The following KCNC2 variants were observed in gnomAD, a reference collection of about 807,000 sequenced individuals.
KCNC2 encodes the protein potassium voltage-gated channel subfamily C member 2, also known as voltage-gated potassium channel KCNC2.
A neutral mutation model predicts 44.5 loss-of-function variants in KCNC2; 21 were observed. That is an observed-to-expected ratio of 0.47 (90% CI 0.33 to 0.68). The LOEUF (loss-of-function observed/expected upper bound fraction) is 0.68, where lower values mean the gene tolerates loss of function less well. Among genes scored for constraint, KCNC2 ranks in the 30% least tolerant of loss-of-function variants. The pLI is 0.01. For missense variants in KCNC2, 589 were observed against 826.2 expected (o/e 0.71, Z 3.52); for synonymous variants, 391 against 339.1 (o/e 1.15, Z -1.68).
At chr12:75,063,663 C>T (rs952237094) in intron 2 of KCNC2, among the ~76,000 whole-genome samples, 1 of 151,992 alleles carries the variant, frequency 6.6e-6, no homozygotes, top group Non-Finnish European at 1.5e-5. Context: ...AACTAAATTA[C>T]CTCAAGTACT....
intron 1 of KCNC2, 98 bp from the exon 2 acceptor site, chr12:75,208,100 A>T: frequency 1.4e-6 from 2 of 1,441,454 alleles, no homozygotes; most frequent in Non-Finnish European, 1.9e-6. Flanking sequence ...AGGGATGCAG[A>T]GTTGGCAGAC....
At chr12:75,062,669 T>A (rs10128966) in intron 2 of KCNC2, among the ~76,000 whole-genome samples, 1,986 of 152,150 alleles carry the variant, frequency 0.013, 48 homozygotes, top group African/African-American at 0.045. Flanking sequence ...TCAGCTAGAT[T>A]TTTTTTAAAT....
chr12:75,159,521 G>C (rs1890984665), intron 2 of KCNC2, among the ~76,000 whole-genome samples: 1 of 151,796 alleles, frequency 6.6e-6, no homozygotes, highest in Admixed American at 6.6e-5. Flanking sequence ...ATATTTATCA[G>C]TGTGGGGGAA....
chr12:75,079,043 T>C (rs1021462472), intron 2 of KCNC2, among the ~76,000 whole-genome samples: 12 of 152,154 alleles, frequency 7.9e-5, no homozygotes, highest in African/African-American at 2.7e-4. Context: ...TAGTTTATTA[T>C]GAAAAGTTTA....
intron 2 of KCNC2, among the ~76,000 whole-genome samples, chr12:75,138,037 G>C (rs1186787302): frequency 6.6e-6 from 1 of 152,202 alleles, no homozygotes; most frequent in Non-Finnish European, 1.5e-5. Flanking sequence ...TTGATCAACA[G>C]TTACCCATGC....
At chr12:75,191,636 C>T (rs1456725506) in intron 2 of KCNC2, among the ~76,000 whole-genome samples, 2 of 146,974 alleles carry the variant, frequency 1.4e-5, no homozygotes, top group Non-Finnish European at 3.0e-5. Context: ...CTGCAAGCTC[C>T]GCTTCCCGGG....
chr12:75,166,644 G>A (rs1027561602), intron 2 of KCNC2, among the ~76,000 whole-genome samples: 3 of 151,086 alleles, frequency 2.0e-5, no homozygotes, highest in South Asian at 2.1e-4. Flanking sequence ...ACATAGAAGT[G>A]TACAATAGAG....
At chr12:75,157,928 C>A (rs533485230) in intron 2 of KCNC2, among the ~76,000 whole-genome samples, 1 of 151,838 alleles carries the variant, frequency 6.6e-6, no homozygotes, top group Admixed American at 6.6e-5. Context: ...TCTCTTAGAA[C>A]GGTTAAATTA....
At chr12:75,050,299 A>T (rs1881026388) in intron 3 of KCNC2, 91 bp downstream of exon 3, 1 of 971,016 alleles carries the variant, frequency 1.0e-6, no homozygotes, top group Non-Finnish European at 1.6e-6. Context: ...ACTCATGAAC[A>T]TTTGCAGAAA....
At chr12:75,162,296 A>G (rs544084004) in intron 2 of KCNC2, among the ~76,000 whole-genome samples, 2 of 151,730 alleles carry the variant, frequency 1.3e-5, no homozygotes, top group Non-Finnish European at 2.9e-5. Context: ...TTCTTTATTT[A>G]TAAATTATTT....
chr12:75,119,726 C>T (rs1464071612), intron 2 of KCNC2, among the ~76,000 whole-genome samples: 1 of 152,154 alleles, frequency 6.6e-6, no homozygotes, highest in African/African-American at 2.4e-5. Flanking sequence ...GGAAAGCTTT[C>T]CGTATCTGAA....
At chr12:75,124,335 G>A (rs968737313) in intron 2 of KCNC2, among the ~76,000 whole-genome samples, 5 of 152,280 alleles carry the variant, frequency 3.3e-5, no homozygotes, top group African/African-American at 1.2e-4. Flanking sequence ...CAGCTAACCA[G>A]CTGTTTAATA....
intron 2 of KCNC2, among the ~76,000 whole-genome samples, chr12:75,201,169 A>T (rs2031212948): frequency 6.8e-6 from 1 of 147,834 alleles, no homozygotes; most frequent in South Asian, 2.2e-4. Context: ...GGAAACAGGA[A>T]GCTGGGAGCT....
At chr12:75,153,623 A>T (rs1028121672) in intron 2 of KCNC2, among the ~76,000 whole-genome samples, 4 of 151,486 alleles carry the variant, frequency 2.6e-5, no homozygotes, top group African/African-American at 9.7e-5. Context: ...CTATAATAAT[A>T]ATAATAATAA....
At chr12:75,150,099 C>T (rs769673464) in intron 2 of KCNC2, among the ~76,000 whole-genome samples, 1 of 151,858 alleles carries the variant, frequency 6.6e-6, no homozygotes, top group Non-Finnish European at 1.5e-5. Context: ...CTATCCAGAG[C>T]CTGCTATAAC....
At chr12:75,178,420 C>T (rs1242883322) in intron 2 of KCNC2, among the ~76,000 whole-genome samples, 1 of 151,988 alleles carries the variant, frequency 6.6e-6, no homozygotes, top group Non-Finnish European at 1.5e-5. Context: ...ATATAATTGA[C>T]TTCAAATCCA....
chr12:75,114,674 T>C (rs775997923), intron 2 of KCNC2, among the ~76,000 whole-genome samples: 5 of 152,058 alleles, frequency 3.3e-5, no homozygotes, highest in Non-Finnish European at 5.9e-5. Flanking sequence ...TGAGCCTTCC[T>C]CCACACATGT....
intron 2 of KCNC2, among the ~76,000 whole-genome samples, chr12:75,114,974 C>T (rs921995179): frequency 1.3e-5 from 2 of 150,162 alleles, no homozygotes; most frequent in African/African-American, 2.5e-5. Flanking sequence ...ACGCCATTCT[C>T]CTGCCTCACC....
intron 2 of KCNC2, among the ~76,000 whole-genome samples, chr12:75,153,900 T>G (rs572190688): frequency 1.3e-5 from 2 of 151,702 alleles, no homozygotes; most frequent in South Asian, 4.2e-4. Flanking sequence ...AGACAAGAGG[T>G]TGGTCTTGTC....
Sources: gnomAD v4.1 joint callset for allele counts (sites outside exome capture counted in the v4.1 genomes callset) on GRCh38, gnomAD v4.1.1 for gene constraint, MANE v1.5 for transcripts, NCBI Gene and HGNC (gene_info 2026-07-23, HGNC 2026-07-21) for gene names.